The following FHIT variants were observed in gnomAD, a reference collection of about 807,000 sequenced individuals.
FHIT encodes the protein bis(5'-adenosyl)-triphosphatase.
In FHIT, 19 loss-of-function variants were observed where a neutral mutation model predicts 17.9. That is an observed-to-expected ratio of 1.06 (90% confidence interval 0.74 to 1.56). The LOEUF (loss-of-function observed/expected upper bound fraction) is 1.56, where lower values mean the gene tolerates loss of function less well. Ranked by LOEUF, FHIT falls within the 40% of genes most tolerant of loss-of-function variation. FHIT has a pLI of 0.00. For synonymous variants in FHIT, 81 were observed against 69.7 expected (o/e 1.16, Z -0.81); for missense variants, 248 against 189.2 (o/e 1.31, Z -1.82).
intron 3 of FHIT, among the ~76,000 whole-genome samples, chr3:60,875,493 T>C (rs1553756232): frequency 1.3e-5 from 2 of 152,214 alleles, no homozygotes; most frequent in African/African-American, 2.4e-5. Flanking sequence ...AACTGGTTCA[T>C]TGTGCTTGTT....
At chr3:61,184,631 G>T (rs1369677600) in intron 2 of FHIT, among the ~76,000 whole-genome samples, 1 of 152,118 alleles carries the variant, frequency 6.6e-6, no homozygotes, top group Non-Finnish European at 1.5e-5. Context: ...AAGTGCCAGG[G>T]CAAGTTCCCA....
At chr3:60,993,138 G>C (rs142436416) in intron 3 of FHIT, among the ~76,000 whole-genome samples, 4 of 152,306 alleles carry the variant, frequency 2.6e-5, no homozygotes, top group African/African-American at 9.6e-5. Flanking sequence ...ATGGTTCAGA[G>C]TTTTTCTGCA....
At chr3:59,763,369 A>G (rs1014483378) in intron 8 of FHIT, among the ~76,000 whole-genome samples, 1 of 152,252 alleles carries the variant, frequency 6.6e-6, no homozygotes, top group African/African-American at 2.4e-5. Flanking sequence ...CCAATAATGC[A>G]CAGCCACAGA....
chr3:60,126,019 GC>G (rs1238665769), intron 5 of FHIT, among the ~76,000 whole-genome samples: 1 of 152,076 alleles, frequency 6.6e-6, no homozygotes, highest in Non-Finnish European at 1.5e-5. Flanking sequence ...ACACTGACAG[GC>G]CCCTTGGTGT....
chr3:61,167,520 T>C (rs1398305987), intron 2 of FHIT, among the ~76,000 whole-genome samples: 7 of 149,264 alleles, frequency 4.7e-5, no homozygotes, highest in Non-Finnish European at 4.4e-5. Flanking sequence ...TCCCAGATAC[T>C]TGGAAGGCTG....
At chr3:59,820,697 C>A (rs1700756655) in intron 8 of FHIT, among the ~76,000 whole-genome samples, 2 of 152,110 alleles carry the variant, frequency 1.3e-5, no homozygotes, top group South Asian at 4.1e-4. Flanking sequence ...TCACTGGGTA[C>A]CTTGCAAATG....
chr3:59,929,917 G>C (rs1364162334), intron 7 of FHIT, among the ~76,000 whole-genome samples: 2 of 150,946 alleles, frequency 1.3e-5, no homozygotes, highest in Non-Finnish European at 2.9e-5. Context: ...GCAAGGATGA[G>C]AGTGCAAGTA....
intron 5 of FHIT, among the ~76,000 whole-genome samples, chr3:60,107,995 C>A (rs1042653869): frequency 1.3e-5 from 2 of 152,186 alleles, no homozygotes; most frequent in African/African-American, 2.4e-5. Flanking sequence ...TGTGAAAGGA[C>A]ATTCAGAGTG....
At chr3:60,789,837 A>G (rs782333519) in intron 4 of FHIT, among the ~76,000 whole-genome samples, 6 of 152,232 alleles carry the variant, frequency 3.9e-5, no homozygotes, top group Admixed American at 1.3e-4. Context: ...TAATAATTCA[A>G]TGTTGGTTTA....
chr3:61,095,919 A>T (rs186448270), intron 2 of FHIT, among the ~76,000 whole-genome samples: 3 of 152,282 alleles, frequency 2.0e-5, no homozygotes, highest in East Asian at 1.9e-4. Flanking sequence ...TCCTGGCTCA[A>T]CGCTCACTTA....
At chr3:60,880,474 T>C (rs1450263018) in intron 3 of FHIT, among the ~76,000 whole-genome samples, 1 of 152,244 alleles carries the variant, frequency 6.6e-6, no homozygotes, top group African/African-American at 2.4e-5. Context: ...GGCTTACGCC[T>C]ATAATCCCAG....
chr3:59,946,695 C>G (rs1242503876), intron 7 of FHIT, among the ~76,000 whole-genome samples: 1 of 152,080 alleles, frequency 6.6e-6, no homozygotes, highest in African/African-American at 2.4e-5. Context: ...CTTCCAATGC[C>G]TAGTTTGTTG....
intron 8 of FHIT, among the ~76,000 whole-genome samples, chr3:59,819,494 T>C (rs1174802853): frequency 1.3e-5 from 2 of 152,218 alleles, no homozygotes; most frequent in Non-Finnish European, 2.9e-5. Flanking sequence ...TAGAAATTAT[T>C]TGTATAGGAA....
chr3:60,478,504 T>C (rs1031836119), intron 5 of FHIT, among the ~76,000 whole-genome samples: 1 of 152,142 alleles, frequency 6.6e-6, no homozygotes, highest in Non-Finnish European at 1.5e-5. Flanking sequence ...GCAAAGAAAG[T>C]GCACTTTACA....
At chr3:60,176,807 G>C (rs1407499748) in intron 5 of FHIT, among the ~76,000 whole-genome samples, 1 of 152,160 alleles carries the variant, frequency 6.6e-6, no homozygotes, top group Non-Finnish European at 1.5e-5. Context: ...ATGAGCCGAT[G>C]GAAGTCCTGC....
At chr3:60,581,883 A>G (rs1553659793) in intron 4 of FHIT, among the ~76,000 whole-genome samples, 1 of 152,050 alleles carries the variant, frequency 6.6e-6, no homozygotes, top group Non-Finnish European at 1.5e-5. Context: ...AAGCAAATGA[A>G]ATAAGATTGG....
At chr3:60,345,467 G>A (rs1305204036) in intron 5 of FHIT, among the ~76,000 whole-genome samples, 1 of 152,146 alleles carries the variant, frequency 6.6e-6, no homozygotes, top group African/African-American at 2.4e-5. Context: ...ATTCATGATG[G>A]CTTGGACCTA....
chr3:60,370,957 C>T (rs979641906), intron 5 of FHIT, among the ~76,000 whole-genome samples: 1 of 152,214 alleles, frequency 6.6e-6, no homozygotes, highest in African/African-American at 2.4e-5. Context: ...TAATAATTTA[C>T]ATCCTAGTTG....
Position 60,630,027 on chromosome 3 carries a change from G to A in FHIT, c.-17-93048C>T, listed in dbSNP as rs73835755. Reference sequence around the variant, plus strand: ...CACTGGCTGCCCTGGGGATCAAAGCGTATGGGAGGGCTATTTGTCTTATGT... The same window carrying A: ...CACTGGCTGCCCTGGGGATCAAAGCATATGGGAGGGCTATTTGTCTTATGT... On this transcript the variant is annotated intron_variant, in intron 4 of 9. Transcript: ENST00000492590. Among the ~76,000 whole-genome samples, 304 of 152,286 alleles carry A rather than the reference G, an allele frequency of 2.0e-3. 2 individuals are homozygous for A. Among genetic ancestry groups the A allele is most frequent in the African/African-American group, 7.0e-3 (291 of 41,570 alleles).
Sources: allele counts gnomAD v4.1 joint callset (sites outside exome capture counted in the v4.1 genomes callset), GRCh38; gene constraint gnomAD v4.1.1; transcripts MANE v1.5; gene names NCBI Gene and HGNC (gene_info 2026-07-23, HGNC 2026-07-21).